The following SCHIP1 variants were observed in gnomAD, a reference collection of about 807,000 sequenced individuals.
SCHIP1 encodes the protein schwannomin interacting protein 1.
Under a neutral mutation model 29.7 loss-of-function variants are expected in SCHIP1, and 8 were observed. The observed-to-expected ratio is 0.27, with a 90% CI of 0.16 to 0.49. The LOEUF (loss-of-function observed/expected upper bound fraction) is 0.49. Ranked by LOEUF, SCHIP1 falls within the 20% of genes least tolerant of loss-of-function variation. SCHIP1 has a pLI of 0.99. For missense variants in SCHIP1, 193 were observed against 294.6 expected (o/e 0.66, Z 2.52); for synonymous variants, 76 against 94.9 (o/e 0.80, Z 1.16).
chr3:159,599,077 CCTTTA>C, the SCHIP1 span, among the ~76,000 whole-genome samples: 1 of 152,012 alleles, frequency 6.6e-6, no homozygotes, highest in East Asian at 1.9e-4. Flanking sequence ...TTATCCTATT[CCTTTA>C]CTTTCAGTCT....
At chr3:159,711,977 A>G in the SCHIP1 span, among the ~76,000 whole-genome samples, 2 of 151,152 alleles carry the variant, frequency 1.3e-5, no homozygotes, top group African/African-American at 4.8e-5. Context: ...TGCTGGTTCC[A>G]GAGCCATGCT....
chr3:159,509,974 T>C, the SCHIP1 span, among the ~76,000 whole-genome samples: 1 of 152,134 alleles, frequency 6.6e-6, no homozygotes. Flanking sequence ...AGGAGTATCT[T>C]TGTGGCATTC....
the SCHIP1 span, among the ~76,000 whole-genome samples, chr3:159,490,945 G>T: frequency 6.6e-6 from 1 of 152,090 alleles, no homozygotes; most frequent in Non-Finnish European, 1.5e-5. Flanking sequence ...TAAGATCCTG[G>T]CTTGAGTTTC....
At chr3:159,348,324 T>G in the SCHIP1 span, among the ~76,000 whole-genome samples, 1 of 152,122 alleles carries the variant, frequency 6.6e-6, no homozygotes, top group Non-Finnish European at 1.5e-5. Flanking sequence ...GTCAGATATT[T>G]GATAGATGTC....
the SCHIP1 span, among the ~76,000 whole-genome samples, chr3:159,832,832 A>G: frequency 1.3e-5 from 2 of 152,168 alleles, no homozygotes; most frequent in Non-Finnish European, 2.9e-5. Flanking sequence ...CCTTAGTTTC[A>G]GTTACCATCG....
chr3:159,502,374 G>A, the SCHIP1 span, among the ~76,000 whole-genome samples: 5 of 152,250 alleles, frequency 3.3e-5, no homozygotes, highest in African/African-American at 7.2e-5. Context: ...GGGTGATTGT[G>A]GTTTTGGGAA....
At chr3:159,610,640 A>G in the SCHIP1 span, among the ~76,000 whole-genome samples, 6 of 152,160 alleles carry the variant, frequency 3.9e-5, no homozygotes, top group Admixed American at 3.9e-4. Context: ...TATTGACAAT[A>G]TTCTTGTAAA....
At chr3:159,863,483 GA>G (rs141860100) in intron 1 of SCHIP1, among the ~76,000 whole-genome samples, 8,240 of 152,174 alleles carry the variant, frequency 0.054, 343 homozygotes, top group Non-Finnish European at 0.067. Flanking sequence ...TGCTCTGGAG[GA>G]AAAAATTTTA....
chr3:159,665,546 T>TTGTATGTGTGTGTGTG, the SCHIP1 span, among the ~76,000 whole-genome samples: 70 of 147,564 alleles, frequency 4.7e-4, 1 homozygote, highest in African/African-American at 1.6e-3. Flanking sequence ...GTTTTTGGGG[T>TTGTATGTGTGTGTGTG]TGTGTGTGTG....
At chr3:159,466,037 A>AT in the SCHIP1 span, among the ~76,000 whole-genome samples, 3 of 152,146 alleles carry the variant, frequency 2.0e-5, no homozygotes, top group Non-Finnish European at 4.4e-5. Flanking sequence ...CATAGAAAGG[A>AT]TTTTTTTGAA....
the SCHIP1 span, among the ~76,000 whole-genome samples, chr3:159,615,925 T>G: frequency 6.6e-6 from 1 of 152,182 alleles, no homozygotes; most frequent in Non-Finnish European, 1.5e-5. Context: ...TGATCAGCAG[T>G]GCCTAATTTT....
the SCHIP1 span, among the ~76,000 whole-genome samples, chr3:159,505,921 G>A: frequency 7.0e-4 from 107 of 152,202 alleles, 2 homozygotes; most frequent in African/African-American, 2.0e-3. Context: ...GAATAGTGCC[G>A]CAATAAACAT....
chr3:159,784,609 A>C, the SCHIP1 span, among the ~76,000 whole-genome samples: 1 of 152,288 alleles, frequency 6.6e-6, no homozygotes, highest in African/African-American at 2.4e-5. Flanking sequence ...CCCTTAACTT[A>C]AGCCTTGTGC....
At chr3:159,737,512 C>T in the SCHIP1 span, among the ~76,000 whole-genome samples, 1 of 152,196 alleles carries the variant, frequency 6.6e-6, no homozygotes, top group Non-Finnish European at 1.5e-5. Context: ...TATAATACCT[C>T]TTCCATTTTT....
In SCHIP1 at chr3:159,843,107, A is replaced by G. The variant is rs1395530957; in HGVS notation, c.30+2893A>G. Among the ~76,000 whole-genome samples, 17 of 143,972 alleles carry G rather than the reference A, an allele frequency of 1.2e-4. No individual in the cohort carries two copies. In the Admixed American group the frequency reaches 1.2e-3, roughly 10 times the overall value. 94.5% of individuals were successfully genotyped at this position (143,972 alleles called of 152,430 possible). ...GTGGCGCAATCAAACTCAGCTGCTG[A>G]GTTCAAGCAATTCTCCTACCTCAGT... On this transcript the variant is annotated intron_variant, in intron 1 of 6. Transcript: ENST00000445224.
chr3:159,664,185 C>G, the SCHIP1 span, among the ~76,000 whole-genome samples: 1 of 152,192 alleles, frequency 6.6e-6, no homozygotes, highest in Non-Finnish European at 1.5e-5. Context: ...TCTCTCCCCA[C>G]TTGGCACAGT....
chr3:159,506,408 C>T, the SCHIP1 span, among the ~76,000 whole-genome samples: 712 of 152,234 alleles, frequency 4.7e-3, 14 homozygotes, highest in Non-Finnish European at 2.7e-3. Flanking sequence ...TTCTCCCATT[C>T]TGTAGGTTGC....
At chr3:159,283,601 G>A in the SCHIP1 span, among the ~76,000 whole-genome samples, 1 of 152,092 alleles carries the variant, frequency 6.6e-6, no homozygotes, top group African/African-American at 2.4e-5. Context: ...ACCGCGCCTG[G>A]CTATTTCCTT....
At chr3:159,473,146 AG>A in the SCHIP1 span, among the ~76,000 whole-genome samples, 1 of 152,242 alleles carries the variant, frequency 6.6e-6, no homozygotes, top group African/African-American at 2.4e-5. Context: ...ATATAGCTAT[AG>A]GCTAAATTAC....
Sources: gnomAD v4.1 joint callset for allele counts (sites outside exome capture counted in the v4.1 genomes callset) on GRCh38, gnomAD v4.1.1 for gene constraint, MANE v1.5 for transcripts, NCBI Gene and HGNC (gene_info 2026-07-23, HGNC 2026-07-21) for gene names.